The following GEMIN4 variants were observed in gnomAD, a reference collection of about 807,000 sequenced individuals.
GEMIN4 encodes the protein gem-associated protein 4.
A neutral mutation model predicts 76.8 loss-of-function variants in GEMIN4; 59 were observed. The observed-to-expected ratio is 0.77, with a 90% CI of 0.62 to 0.95. The LOEUF (loss-of-function observed/expected upper bound fraction) is 0.95, where lower values mean the gene tolerates loss of function less well. GEMIN4 is among the 40% of genes least tolerant of loss of function. The pLI, the probability that GEMIN4 is intolerant of heterozygous loss-of-function variation, is 0.00. For synonymous variants in GEMIN4, 562 were observed against 559.7 expected (o/e 1.00, Z -0.06); for missense variants, 1,311 against 1,318.9 (o/e 0.99, Z 0.09).
At chr17:754,215 C>G (rs1904889749), upstream of GEMIN4, 1 of 152,206 alleles carries the variant, frequency 6.6e-6, no homozygotes, top group Non-Finnish European at 1.5e-5. Context: ...GCACAACACA[C>G]CCCTTGACCT....
chr17:744,688 C>T lies in GEMIN4; in HGVS notation c.*178G>A, dbSNP rs1974318567. On this transcript the variant is annotated 3_prime_UTR_variant, in exon 2 of 2. Transcript: ENST00000319004. ...AATACCCAAGAAACTATTTTCTTTA[C>T]ACCATTATTGCCATGACTTTTTGTG... 26 of 597,266 alleles carry T rather than the reference C, an allele frequency of 4.4e-5. No homozygotes were observed. The East Asian group carries it at 7.1e-4, about 16-fold the overall frequency. The allele number at this position is 597,266 out of a possible 1,614,324, so 37.0% of individuals were successfully genotyped here.
intron 1 of GEMIN4, among the ~76,000 whole-genome samples, chr17:750,506 C>T (rs1904614375): frequency 6.6e-6 from 1 of 152,178 alleles, no homozygotes; most frequent in Non-Finnish European, 1.5e-5. Flanking sequence ...TTTGCCTCCC[C>T]CAGCTCAGAA....
At chr17:748,125 G>T in intron 1 of GEMIN4, 93 bp from the exon 2 acceptor site, 1 of 962,958 alleles carries the variant, frequency 1.0e-6, no homozygotes, top group Non-Finnish European at 1.5e-6. Context: ...AGATGACAAG[G>T]GTTTTAAAGG....
chr17:746,354 T>C lies in GEMIN4; in HGVS notation c.1689A>G (p.Lys563=). ...GATTGACCACAGCCAGGCTGCACAT[T>C]TTCTTCACCGTGACTTCCGGGTGCA... The part of the protein sequence containing the change: ...VIVHPEVTVK[K]MCSLAVVNLG... Residue 563 remains lysine (K), a synonymous_variant, in exon 2 of 2, where the codon AAA becomes AAG. Coordinates refer to ENST00000319004, the MANE Select transcript of GEMIN4 (RefSeq NM_015721.3). This position sits in a 1 kb window ranked among gnomAD's most constrained non-coding sequence, Gnocchi z 4.3. 1.2e-6 allele frequency: 2 copies of C among 1,613,736 alleles called. No individual in the cohort carries two copies. Among genetic ancestry groups the C allele is most frequent in the Non-Finnish European group, 1.7e-6 (2 of 1,179,866 alleles).
intron 1 of GEMIN4, chr17:749,783 C>T: frequency 3.0e-6 from 3 of 990,888 alleles, no homozygotes; most frequent in Non-Finnish European, 3.6e-6. Context: ...AGGAATCAGA[C>T]AAGCCCTGCC....
At chr17:750,387 G>A (rs1904607433) in intron 1 of GEMIN4, among the ~76,000 whole-genome samples, 1 of 152,196 alleles carries the variant, frequency 6.6e-6, no homozygotes, top group African/African-American at 2.4e-5. Context: ...GGATAAATGA[G>A]ATAGAGCTAC....
At chr17:750,729 A>C (rs1306182236) in intron 1 of GEMIN4, among the ~76,000 whole-genome samples, 1 of 152,176 alleles carries the variant, frequency 6.6e-6, no homozygotes, top group Non-Finnish European at 1.5e-5. Context: ...CACTGACTCC[A>C]GGAGACTAAG....
In GEMIN4 at chr17:746,002, T is replaced by C; in HGVS notation, c.2041A>G (p.Asn681Asp). 1 of 1,613,652 alleles carries C rather than the reference T, an allele frequency of 6.2e-7. No individual in the cohort carries two copies. Residue 681 changes from asparagine (N) to aspartate (D), a missense_variant, in exon 2 of 2, where the codon AAC becomes GAC. Physicochemically the swap from Asn to Asp is conservative, Grantham distance 23 (BLOSUM62 1). Transcript: ENST00000319004. This position sits in a 1 kb window ranked among gnomAD's most constrained non-coding sequence, Gnocchi z 4.3. ...LRIFIQTLEA[N>D]ACREEYWLQT... ...AGCCAGTATTCCTCTCGGCACGCGTTTGCCTCTAGAGTCTGGATGAAGATC... is the reference window on the plus strand; with the variant it reads ...AGCCAGTATTCCTCTCGGCACGCGTCTGCCTCTAGAGTCTGGATGAAGATC...
chr17:748,148 G>A (rs552363978), intron 1 of GEMIN4, 116 bp from the exon 2 acceptor site: 49 of 772,148 alleles, frequency 6.3e-5, no homozygotes, highest in African/African-American at 1.0e-4. Flanking sequence ...ATCAGCGGAC[G>A]GGGAGAAGGG....
rs915483760 is a variant in GEMIN4 at position 752,250 on chromosome 17, G to A, written c.-108C>T. On this transcript the variant is annotated 5_prime_UTR_variant, in exon 1 of 2. Transcript: ENST00000319004. ...GGGAGACGCAGGAGCCACGGCGGCC[G>A]CGCTTAGGCCTGCTCACAACCTCCG... The A allele has an allele frequency of 2.2e-4, 270 of 1,227,812 alleles. No homozygotes were observed. The highest frequency in any genetic ancestry group is 2.5e-4 in the Non-Finnish European group (251 of 985,238). 76.1% of individuals were successfully genotyped at this position (1,227,812 alleles called of 1,614,324 possible).
chr17:752,797 T>C, upstream of GEMIN4: 1 of 184,728 alleles, frequency 5.4e-6, no homozygotes, highest in Non-Finnish European at 1.0e-5. Context: ...ATCGCGTGCC[T>C]GTCTCCTCCC....
At position 746,107 on chromosome 17, in the gene GEMIN4, G is replaced by A; in HGVS notation, c.1936C>T (p.Leu646Phe). The change falls in exon 2 of 2, where the codon CTT becomes TTT. Residue 646 changes from leucine (L) to phenylalanine (F), a missense_variant. By Grantham distance (22) the Leu-to-Phe change is conservative. Coordinates refer to ENST00000319004, the MANE Select transcript of GEMIN4 (RefSeq NM_015721.3). This position sits in a 1 kb window ranked among gnomAD's most constrained non-coding sequence, Gnocchi z 4.3. Reference protein sequence around the residue: ...KPQGIPVAALLEPDEVLKEFV... With the variant: ...KPQGIPVAALFEPDEVLKEFV... The stretch of plus-strand genomic sequence containing the variant: ...TCCTTCAGCACCTCGTCTGGCTCAA[G>A]AAGAGCAGCCACTGGAATCCCTTGG... The A allele has an allele frequency of 6.2e-7, 1 of 1,613,968 alleles. No individual in the cohort carries two copies.
Position 746,649 on chromosome 17 carries a change from C to A in GEMIN4, c.1394G>T (p.Ser465Ile). The A allele has an allele frequency of 6.2e-7, 1 of 1,613,588 alleles. No homozygotes were observed. Among genetic ancestry groups the A allele is most frequent in the South Asian group, 1.1e-5 (1 of 91,084 alleles). ...CTCAGGGATGGCTCTGTCAGCTGTG[C>A]TGACGTCTATCACTGTTTCCAGCAG... is the stretch of plus-strand genomic sequence containing the variant. The part of the protein sequence containing the change: ...LRLLETVIDV[S>I]TADRAIPESQ... Residue 465 changes from serine to isoleucine, a missense_variant, in exon 2 of 2, where the codon AGC becomes ATC. By Grantham distance (142) the Ser-to-Ile change is moderately radical (BLOSUM62 -2). This residue lies in a region of GEMIN4 where 1,208 missense variants were observed against 1,166.9 expected (regional missense o/e 1.04). Coordinates refer to ENST00000319004, the MANE Select transcript of GEMIN4 (RefSeq NM_015721.3). The surrounding 1 kb of genome is among the most constrained non-coding windows in gnomAD (Gnocchi z 4.3).
chr17:749,775 G>A (rs1178939561), intron 1 of GEMIN4: 1 of 980,340 alleles, frequency 1.0e-6, no homozygotes, highest in Non-Finnish European at 1.2e-6. Flanking sequence ...GGCACAGAAG[G>A]AATCAGACAA....
rs757449752 is a variant in GEMIN4 at position 745,897 on chromosome 17, T to C, written c.2146A>G (p.Lys716Glu). The C allele has an allele frequency of 6.2e-7, 1 of 1,612,936 alleles. No individual in the cohort carries two copies. ...TCCAAAGAGAGGCACCGCTTCTCCT[T>C]GGGAAGCTGCCAGTATTTGCTGAAG... Reference protein sequence around the residue: ...DRFSKYWQLPKEKRCLSLDRK... With the variant: ...DRFSKYWQLPEEKRCLSLDRK... The change falls in exon 2 of 2, where the codon AAG (lysine) becomes GAG (glutamate). Residue 716 changes from lysine to glutamate, a missense_variant. By Grantham distance (56) the Lys-to-Glu change is moderately conservative. This residue lies in a region of GEMIN4 where 1,208 missense variants were observed against 1,166.9 expected (regional missense o/e 1.04). Transcript: ENST00000319004. This position sits in a 1 kb window ranked among gnomAD's most constrained non-coding sequence, Gnocchi z 4.6.
In GEMIN4 at chr17:745,992, C is replaced by A; in HGVS notation, c.2051G>T (p.Arg684Leu). 1 of 1,613,148 alleles carries A rather than the reference C, an allele frequency of 6.2e-7. No individual in the cohort carries two copies. ...GCAGGTCTGGAGCCAGTATTCCTCT[C>A]GGCACGCGTTTGCCTCTAGAGTCTG... ...FIQTLEANACREEYWLQTCSP... is the reference protein window; with the variant it reads ...FIQTLEANACLEEYWLQTCSP... The change falls in exon 2 of 2, where the codon CGA (arginine) becomes CTA (leucine). Residue 684 changes from arginine to leucine, a missense_variant. Arg to Leu is a moderately radical substitution (Grantham distance 102, BLOSUM62 -2). This residue lies in a region of GEMIN4 where 1,208 missense variants were observed against 1,166.9 expected (regional missense o/e 1.04). Transcript: ENST00000319004. This position sits in a 1 kb window ranked among gnomAD's most constrained non-coding sequence, Gnocchi z 4.6.
At position 745,642 on chromosome 17, in the gene GEMIN4, A is replaced by G; in HGVS notation, c.2401T>C (p.Trp801Arg). The G allele has an allele frequency of 6.2e-7, 1 of 1,600,356 alleles. No individual in the cohort carries two copies. The highest frequency in any genetic ancestry group is 1.1e-5 in the South Asian group (1 of 89,334). The change falls in exon 2 of 2, where the codon TGG (tryptophan) becomes CGG (arginine). Residue 801 changes from tryptophan to arginine, a missense_variant. Physicochemically the swap from Trp to Arg is moderately radical, Grantham distance 101. Around this residue, in one of 2 missense-constraint regions of GEMIN4, gnomAD observed 1,208 missense variants for 1,166.9 expected, o/e 1.04. Transcript: ENST00000319004. This position sits in a 1 kb window ranked among gnomAD's most constrained non-coding sequence, Gnocchi z 4.6. The stretch of plus-strand genomic sequence containing the variant: ...TACCCTGGGTGGGCCTGGGAGGTCC[A>G]CTCGTCTTCTGAAAGCTTACAGATC... Reference protein sequence around the residue: ...FEICKLSEDEWTSQAHPGYGA... With the variant: ...FEICKLSEDERTSQAHPGYGA...
rs935484968 is a variant in GEMIN4, at chr17:752,245, C to T, written c.-103G>A. The T allele has an allele frequency of 7.3e-6, 9 of 1,228,136 alleles. No individual in the cohort carries two copies. The highest frequency in any genetic ancestry group is 4.2e-5 in the Admixed American group (1 of 23,558). The allele number at this position is 1,228,136 out of a possible 1,614,324, so 76.1% of individuals were successfully genotyped here. Reference sequence around the variant, plus strand: ...ACGATGGGAGACGCAGGAGCCACGGCGGCCGCGCTTAGGCCTGCTCACAAC... The same window carrying T: ...ACGATGGGAGACGCAGGAGCCACGGTGGCCGCGCTTAGGCCTGCTCACAAC... On this transcript the variant is annotated 5_prime_UTR_variant, in exon 1 of 2. Transcript: ENST00000319004.
upstream of GEMIN4, chr17:753,645 C>CT (rs1325954092): frequency 3.9e-5 from 6 of 152,838 alleles, no homozygotes; most frequent in African/African-American, 1.2e-4. Context: ...AACTCGGTGA[C>CT]TGAGTGCTGG....
Sources: allele counts gnomAD v4.1 joint callset (sites outside exome capture counted in the v4.1 genomes callset), GRCh38; gene constraint gnomAD v4.1.1; regional missense constraint gnomAD v4.1.1; non-coding constraint Gnocchi (gnomAD v3.1); transcripts MANE v1.5; gene names NCBI Gene and HGNC (gene_info 2026-07-23, HGNC 2026-07-21).